DISC1: variants seen among roughly 807,000 people sequenced by gnomAD.
DISC1 encodes the protein DISC1 scaffold protein.
Under a neutral mutation model 84.5 loss-of-function variants are expected in DISC1, and 57 were observed. That is an observed-to-expected ratio of 0.67 (90% CI 0.55 to 0.84). DISC1 has a LOEUF of 0.84. DISC1 is among the 40% of genes least tolerant of loss of function. The pLI is 0.00. For missense variants in DISC1, 1,000 were observed against 1,057.8 expected (o/e 0.95, Z 0.76); for synonymous variants, 411 against 415.2 (o/e 0.99, Z 0.12).
At chr1:231,991,457 T>G (rs1420517826) in intron 10 of DISC1, among the ~76,000 whole-genome samples, 1 of 152,228 alleles carries the variant, frequency 6.6e-6, no homozygotes, top group Non-Finnish European at 1.5e-5. Flanking sequence ...TAGTGTGGCA[T>G]GTGTTTCCAT....
chr1:231,837,815 A>G (rs112016761), intron 9 of DISC1, among the ~76,000 whole-genome samples: 1 of 152,310 alleles, frequency 6.6e-6, no homozygotes, highest in African/African-American at 2.4e-5. Context: ...GAAGCATGCC[A>G]TTGTGGATGT....
intron 1 of DISC1, among the ~76,000 whole-genome samples, chr1:231,674,725 A>G (rs201520651): frequency 2.0e-5 from 3 of 152,238 alleles, no homozygotes; most frequent in Non-Finnish European, 4.4e-5. Context: ...GCAGCTTTGT[A>G]TGGCCTTCGT....
intron 9 of DISC1, among the ~76,000 whole-genome samples, chr1:231,877,963 T>A (rs2086016763): frequency 6.6e-6 from 1 of 152,212 alleles, no homozygotes; most frequent in African/African-American, 2.4e-5. Context: ...GAGGGCAAGA[T>A]GAAGACAAAT....
rs73115135 is a variant in DISC1, at chr1:231,685,357, T to C, written c.68-8469T>C. On this transcript the variant is annotated intron_variant, in intron 1 of 12. Transcript: ENST00000439617. Reference sequence around the variant, plus strand: ...TGCTGATGAAGATATACCCGAGACTTGGAAGAAAAAGAGGCTTAATTAGAC... The same window carrying C: ...TGCTGATGAAGATATACCCGAGACTCGGAAGAAAAAGAGGCTTAATTAGAC... Among the ~76,000 whole-genome samples, 643 of 152,314 alleles carry C rather than the reference T, an allele frequency of 4.2e-3. 10 individuals are homozygous for C. Among genetic ancestry groups the C allele is most frequent in the African/African-American group, 0.015 (613 of 41,578 alleles).
At chr1:231,760,417 A>G (rs2075554188) in intron 4 of DISC1, among the ~76,000 whole-genome samples, 1 of 152,176 alleles carries the variant, frequency 6.6e-6, no homozygotes, top group Admixed American at 6.5e-5. Flanking sequence ...ATTTGATAGG[A>G]TAGTCATCAG....
At chr1:231,898,844 A>G (rs973951642) in intron 9 of DISC1, among the ~76,000 whole-genome samples, 4 of 152,110 alleles carry the variant, frequency 2.6e-5, no homozygotes, top group Admixed American at 2.6e-4. Context: ...GAGGTATGAG[A>G]ATCGCTTGAA....
In DISC1 at chr1:232,036,891, T is replaced by A. The variant is rs879040828; in HGVS notation, c.*60T>A. 1 of 1,413,860 alleles carries A rather than the reference T, an allele frequency of 7.1e-7. No individual in the cohort carries two copies. The highest frequency in any genetic ancestry group is 1.6e-5 in the South Asian group (1 of 61,024). The allele number at this position is 1,413,860 out of a possible 1,614,324, so 87.6% of individuals were successfully genotyped here. A position where few individuals can be genotyped will look rare whatever the true frequency, so the allele number is the denominator to read the frequency against. ...ATGTTTGGACCCGGGGGGCTGCTCT[T>A]CCCTCCCCCGCCATAGCTAAGATGC... On this transcript the variant is annotated 3_prime_UTR_variant, in exon 13 of 13. Coordinates refer to ENST00000439617, the MANE Select transcript of DISC1 (RefSeq NM_018662.3).
chr1:231,887,545 A>G (rs938600445), intron 9 of DISC1, among the ~76,000 whole-genome samples: 10 of 152,180 alleles, frequency 6.6e-5, no homozygotes, highest in African/African-American at 2.4e-4. Context: ...TGGATGTATA[A>G]TCCCTATCCC....
chr1:232,023,929 G>A (rs182546321), intron 11 of DISC1, among the ~76,000 whole-genome samples: 5 of 151,796 alleles, frequency 3.3e-5, no homozygotes, highest in East Asian at 1.9e-4. Context: ...GTGTGATGAC[G>A]GTGTTGCTCA....
intron 4 of DISC1, among the ~76,000 whole-genome samples, chr1:231,760,428 T>C (rs1363891211): frequency 1.3e-5 from 2 of 152,164 alleles, no homozygotes; most frequent in African/African-American, 2.4e-5. Flanking sequence ...TAGTCATCAG[T>C]AGGGAGCAGC....
At chr1:231,681,931 C>T (rs2063738725) in intron 1 of DISC1, among the ~76,000 whole-genome samples, 3 of 152,154 alleles carry the variant, frequency 2.0e-5, no homozygotes, top group Admixed American at 2.0e-4. Flanking sequence ...AACTCCTGAC[C>T]TCAGGTAATC....
chr1:231,653,335 G>T (rs1225374628), intron 1 of DISC1, among the ~76,000 whole-genome samples: 1 of 152,220 alleles, frequency 6.6e-6, no homozygotes, highest in Non-Finnish European at 1.5e-5. Flanking sequence ...TGGAGGGGCT[G>T]CTGTGCCTTG....
chr1:232,006,812 A>G (rs1037394014), intron 10 of DISC1, among the ~76,000 whole-genome samples: 4 of 152,224 alleles, frequency 2.6e-5, no homozygotes, highest in African/African-American at 9.6e-5. Flanking sequence ...AGGGCATGTC[A>G]GAGGTCTTCA....
In DISC1 at chr1:231,844,799, C is replaced by T. The variant is rs565969029; in HGVS notation, c.1981+26282C>T. Among the ~76,000 whole-genome samples the T allele has an allele frequency of 9.2e-5, 14 of 151,646 alleles. No homozygotes were observed. The East Asian group carries it at 2.0e-3, about 21-fold the overall frequency. ...AAAATTAGCCGGACATTGTGGTGGG[C>T]GCCTGTAGTCCCAGCTACTCGGGAG... On this transcript the variant is annotated intron_variant, in intron 9 of 12. Coordinates refer to ENST00000439617, the MANE Select transcript of DISC1 (RefSeq NM_018662.3).
chr1:231,660,094 G>A (rs1200646665), intron 1 of DISC1, among the ~76,000 whole-genome samples: 1 of 152,126 alleles, frequency 6.6e-6, no homozygotes, highest in Non-Finnish European at 1.5e-5. Flanking sequence ...CTATTATTGT[G>A]TGGGAGTCTA....
intron 1 of DISC1, among the ~76,000 whole-genome samples, chr1:231,666,313 A>G (rs1300193184): frequency 1.4e-4 from 21 of 146,098 alleles, no homozygotes; most frequent in African/African-American, 5.4e-4. Context: ...TCTCAGGAAA[A>G]AAAAAAAAAA....
chr1:231,984,325 G>A (rs1264086971), intron 10 of DISC1, among the ~76,000 whole-genome samples: 1 of 152,120 alleles, frequency 6.6e-6, no homozygotes, highest in African/African-American at 2.4e-5. Context: ...TAGAGAAATT[G>A]GATGATTGAG....
chr1:231,771,742 T>C (rs899150550), intron 6 of DISC1: 1 of 224,102 alleles, frequency 4.5e-6, no homozygotes, highest in East Asian at 1.8e-4. Context: ...GGAGTGAGAA[T>C]CATCCCTGTA....
chr1:231,804,341 A>G (rs1285694988), intron 8 of DISC1, among the ~76,000 whole-genome samples: 6 of 152,168 alleles, frequency 3.9e-5, no homozygotes, highest in Non-Finnish European at 8.8e-5. Context: ...TTTCAGTCAG[A>G]GGAAATGGCC....
Sources: allele counts gnomAD v4.1 joint callset (sites outside exome capture counted in the v4.1 genomes callset), GRCh38; gene constraint gnomAD v4.1.1; transcripts MANE v1.5; gene names NCBI Gene and HGNC (gene_info 2026-07-23, HGNC 2026-07-21).